The following TRIM65 variants were observed in gnomAD, a reference collection of about 807,000 sequenced individuals.
The protein encoded by TRIM65 is E3 ubiquitin-protein ligase TRIM65.
In TRIM65, 46 loss-of-function variants were observed where a neutral mutation model predicts 36.1. The observed-to-expected ratio is 1.27, with a 90% CI of 1.01 to 1.63. The LOEUF is 1.63. Ranked by LOEUF, TRIM65 falls within the 40% of genes most tolerant of loss-of-function variation. The pLI, the probability that TRIM65 is intolerant of heterozygous loss-of-function variation, is 0.00. For missense variants in TRIM65, 708 were observed against 696.6 expected (o/e 1.02, Z -0.18); for synonymous variants, 346 against 313.6 (o/e 1.10, Z -1.09).
In TRIM65 at chr17:75,892,384, C is replaced by T. The variant is rs371760333; in HGVS notation, c.627G>A (p.Ala209=). The T allele has an allele frequency of 3.4e-5, 55 of 1,613,754 alleles. No homozygotes were observed. The highest frequency in any genetic ancestry group is 1.9e-4 in the South Asian group (17 of 91,068). Residue 209 remains alanine, a synonymous_variant, in exon 3 of 6, where the codon GCG becomes GCA. Coordinates refer to ENST00000269383, the MANE Select transcript of TRIM65 (RefSeq NM_173547.4). ...LRSIEVAKTQ[A]LAQARDEEQR... ...GCTCCTCGTCTCGAGCCTGTGCCAG[C>T]GCCTGCGTCTTGGCCACCTCGATGC... is the stretch of plus-strand genomic sequence containing the variant.
At chr17:75,881,253 A>AAAAAAG (rs2065167896) in intron 4 of TRIM65, among the ~76,000 whole-genome samples, 2 of 124,242 alleles carry the variant, frequency 1.6e-5, no homozygotes, top group Non-Finnish European at 1.7e-5. Context: ...AAAAAAAAAA[A>AAAAAAG]AAAAGAAAAG....
chr17:75,881,107 G>A (rs1397398238), intron 4 of TRIM65, among the ~76,000 whole-genome samples: 4 of 149,884 alleles, frequency 2.7e-5, no homozygotes, highest in African/African-American at 1.0e-4. Flanking sequence ...AATTAGCCGG[G>A]CGTGGTGGTG....
downstream of TRIM65, among the ~76,000 whole-genome samples, chr17:75,888,791 A>T (rs1327372465): frequency 2.0e-5 from 3 of 152,138 alleles, no homozygotes; most frequent in Non-Finnish European, 4.4e-5. Flanking sequence ...GGGCTGTGCC[A>T]ATCCAAGGCC....
chr17:75,883,778 C>T (rs1289338575), intron 4 of TRIM65, among the ~76,000 whole-genome samples: 8 of 151,654 alleles, frequency 5.3e-5, no homozygotes, highest in South Asian at 2.1e-4. Context: ...CCACCCGCCT[C>T]GGCCTCCCAA....
chr17:75,892,838 C>T lies in TRIM65; in HGVS notation c.427G>A (p.Ala143Thr). The change falls in exon 2 of 6, where the codon GCC becomes ACC. Residue 143 changes from alanine to threonine, a missense_variant. Physicochemically the swap from Ala to Thr is moderately conservative, Grantham distance 58. Transcript: ENST00000269383. ...TGCTGCTGGGTAACCTCCAGGCTGGCTCTCAGCTGGGCCTGTGGTGCGGGC... is the reference window on the plus strand; with the variant it reads ...TGCTGCTGGGTAACCTCCAGGCTGGTTCTCAGCTGGGCCTGTGGTGCGGGC... Reference protein sequence around the residue: ...ERLKREAQLRASLEVTQQQAT... With the variant: ...ERLKREAQLRTSLEVTQQQAT... The T allele has an allele frequency of 6.2e-7, 1 of 1,602,582 alleles. No individual in the cohort carries two copies.
downstream of TRIM65, among the ~76,000 whole-genome samples, chr17:75,887,388 G>A (rs2144024085): frequency 6.6e-6 from 1 of 152,054 alleles, no homozygotes; most frequent in African/African-American, 2.4e-5. Context: ...GGAGGCTGAG[G>A]CAGGAGAATC....
downstream of TRIM65, among the ~76,000 whole-genome samples, chr17:75,886,968 AAC>A (rs1209835960): frequency 6.6e-6 from 1 of 152,050 alleles, no homozygotes; most frequent in Non-Finnish European, 1.5e-5. Flanking sequence ...CAGCCTGGGC[AAC>A]ACAGTGAGAA....
rs1381335867 is a variant in TRIM65, at chr17:75,891,414, C to A, written c.986-67G>T. On this transcript the variant is annotated intron_variant, in intron 5 of 5. Transcript: ENST00000269383. ...GCACAACCAGATCTCCATTTATCCG[C>A]TGCTAAACCTCCGCCAGGCACGCTG... is the stretch of plus-strand genomic sequence containing the variant. 11 of 1,540,026 alleles carry A rather than the reference C, an allele frequency of 7.1e-6. No individual in the cohort carries two copies. In the East Asian group the frequency reaches 2.3e-4, roughly 32 times the overall value.
downstream of TRIM65, among the ~76,000 whole-genome samples, chr17:75,884,841 C>T (rs114561634): frequency 6.2e-3 from 948 of 152,020 alleles, 13 homozygotes; most frequent in African/African-American, 0.021. Flanking sequence ...TTCAGGACCA[C>T]GCTGGTCCTG....
Position 75,890,850 on chromosome 17 carries a change from T to C in TRIM65, c.1483A>G (p.Arg495Gly). The C allele has an allele frequency of 6.5e-7, 1 of 1,528,644 alleles. No homozygotes were observed. The highest frequency in any genetic ancestry group is 8.8e-7 in the Non-Finnish European group (1 of 1,141,908). The allele number at this position is 1,528,644 out of a possible 1,614,324, so 94.7% of individuals were successfully genotyped here. A position where few individuals can be genotyped will look rare whatever the true frequency, so the allele number is the denominator to read the frequency against. Reference sequence around the variant, plus strand: ...GGCTGATGGCACAGGGTCAGGGTCCTACCCTCGAGGAGCCAGAAGACGGGG... The same window carrying C: ...GGCTGATGGCACAGGGTCAGGGTCCCACCCTCGAGGAGCCAGAAGACGGGG... The part of the protein sequence containing the change: ...LTPVFWLLEG[R>G]TLTLCHQPGA... The change falls in exon 6 of 6, where the codon AGG (arginine) becomes GGG (glycine). Residue 495 changes from arginine (R) to glycine (G), a missense_variant. Transcript: ENST00000269383.
At chr17:75,885,421 T>C (rs1213723618), downstream of TRIM65, among the ~76,000 whole-genome samples, 1 of 152,138 alleles carries the variant, frequency 6.6e-6, no homozygotes, top group Non-Finnish European at 1.5e-5. Context: ...GGACCACAGG[T>C]GTGCACCACC....
chr17:75,896,372 A>AT, intron 1 of TRIM65, 152 bp downstream of exon 1: 1 of 1,172,914 alleles, frequency 8.5e-7, no homozygotes, highest in Non-Finnish European at 1.1e-6. Context: ...GACTTTTATA[A>AT]TCAGCTCCCA....
rs2065166111 is a variant in TRIM65, at chr17:75,881,106, G to T, written c.350-477C>A. Among the ~76,000 whole-genome samples the T allele has an allele frequency of 1.3e-5, 2 of 149,798 alleles. 1 individual carries two copies. Among genetic ancestry groups the T allele is most frequent in the African/African-American group, 5.1e-5 (2 of 39,482 alleles). ...ACTAAAAATACAAAAAAATTAGCCG[G>T]GCGTGGTGGTGCACACACTTGTATT... On this transcript the variant is annotated intron_variant, in intron 4 of 4. Transcript: ENST00000591668.
chr17:75,889,362 A>T lies in TRIM65; in HGVS notation c.*1417T>A, dbSNP rs2065237177. The stretch of plus-strand genomic sequence containing the variant: ...AGCCACTGCGCCTGGCCAAAAGCAG[A>T]CACCCTTGGAACCACCTCCCAGAAC... On this transcript the variant is annotated 3_prime_UTR_variant, in exon 6 of 6. Coordinates refer to ENST00000269383, the MANE Select transcript of TRIM65 (RefSeq NM_173547.4). 6.6e-6 allele frequency: 1 copy of T among 152,154 alleles called. No individual in the cohort carries two copies. Among genetic ancestry groups the T allele is most frequent in the South Asian group, 2.1e-4 (1 of 4,828 alleles). The allele number at this position is 152,154 out of a possible 1,614,324, so 9.4% of individuals were successfully genotyped here. A position where few individuals can be genotyped will look rare whatever the true frequency, so the allele number is the denominator to read the frequency against.
In TRIM65 at chr17:75,896,652, G is replaced by T. The variant is rs1450388573; in HGVS notation, c.286C>A (p.Pro96Thr). 7 of 1,241,520 alleles carry T rather than the reference G, an allele frequency of 5.6e-6. No individual in the cohort carries two copies. Among genetic ancestry groups the T allele is most frequent in the Non-Finnish European group, 7.0e-6 (7 of 996,882 alleles). 76.9% of individuals were successfully genotyped at this position (1,241,520 alleles called of 1,614,324 possible). A position where few individuals can be genotyped will look rare whatever the true frequency, so the allele number is the denominator to read the frequency against. The change falls in exon 1 of 6, where the codon CCC becomes ACC. Residue 96 changes from proline (P) to threonine (T), a missense_variant. Transcript: ENST00000269383. ...GPGPDPAARC[P>T]RHGRPLELFC... is the part of the protein sequence containing the mutation. Reference sequence around the variant, plus strand: ...AGCTCCAGCGGCCGCCCGTGGCGGGGGCAGCGCGCGGCAGGGTCGGGGCCG... The same window carrying T: ...AGCTCCAGCGGCCGCCCGTGGCGGGTGCAGCGCGCGGCAGGGTCGGGGCCG...
Position 75,890,776 on chromosome 17 carries a change from T to C in TRIM65, c.*3A>G. ...TATGCCAGGGCTCCATCCCATGCCT[T>C]CTTCAGCTGAGCACCTCTTCCTGGG... On this transcript the variant is annotated 3_prime_UTR_variant, in exon 6 of 6. Transcript: ENST00000269383. The C allele has an allele frequency of 1.4e-6, 2 of 1,466,218 alleles. No individual in the cohort carries two copies. Among genetic ancestry groups the C allele is most frequent in the East Asian group, 2.5e-5 (1 of 40,304 alleles). The allele number at this position is 1,466,218 out of a possible 1,614,324, so 90.8% of individuals were successfully genotyped here. A position where few individuals can be genotyped will look rare whatever the true frequency, so the allele number is the denominator to read the frequency against.
At chr17:75,882,833 G>GA (rs35561686) in intron 4 of TRIM65, among the ~76,000 whole-genome samples, 1 of 149,706 alleles carries the variant, frequency 6.7e-6, no homozygotes, top group Non-Finnish European at 1.5e-5. Flanking sequence ...TAGTGCTTGA[G>GA]AAAAAAAGGA....
chr17:75,884,890 CAA>C (rs2065195427), downstream of TRIM65, among the ~76,000 whole-genome samples: 2 of 151,778 alleles, frequency 1.3e-5, no homozygotes, highest in African/African-American at 4.8e-5. Flanking sequence ...CACAGCCTCC[CAA>C]AGTGTTGGGA....
Position 75,892,069 on chromosome 17 carries a change from G to A in TRIM65, c.861C>T (p.Leu287=), listed in dbSNP as rs1162915450. Residue 287 remains leucine, a synonymous_variant, in exon 4 of 6, where the codon CTC becomes CTT. Transcript: ENST00000269383. ...CCCCAGGGTGGCTCCCCTCTTCCAA[G>A]AGGAGGCCACACAGCCGGCTTAGCA... ...KQLLSRLCGL[L]LEEGSHPGAP... The A allele has an allele frequency of 6.4e-7, 1 of 1,551,968 alleles. No individual in the cohort carries two copies. The highest frequency in any genetic ancestry group is 1.4e-5 in the African/African-American group (1 of 73,176).
Sources: gnomAD v4.1 joint callset for allele counts (sites outside exome capture counted in the v4.1 genomes callset) on GRCh38, gnomAD v4.1.1 for gene constraint, MANE v1.5 for transcripts, NCBI Gene and HGNC (gene_info 2026-07-23, HGNC 2026-07-21) for gene names.